ABCC5: variants seen among roughly 807,000 people sequenced by gnomAD.
ABCC5 encodes ATP binding cassette subfamily C member 5, also known as ATP-binding cassette sub-family C member 5.
A neutral mutation model predicts 160.9 loss-of-function variants in ABCC5; 61 were observed. The ratio of observed to expected loss-of-function variants is 0.38; its 90% CI spans 0.31 to 0.47. ABCC5 has a LOEUF of 0.47. Ranked by LOEUF, ABCC5 falls within the 20% of genes least tolerant of loss-of-function variation. The probability of loss-of-function intolerance (pLI) is 0.99; values close to 1 mark genes in which losing one functional copy is unlikely to be tolerated. For missense variants in ABCC5, 1,308 were observed against 1,813.3 expected (o/e 0.72, Z 5.06); for synonymous variants, 666 against 700.6 (o/e 0.95, Z 0.78).
intron 2 of ABCC5, among the ~76,000 whole-genome samples, chr3:184,012,878 T>C (rs1721876444): frequency 6.6e-6 from 1 of 152,196 alleles, no homozygotes; most frequent in Non-Finnish European, 1.5e-5. Flanking sequence ...TGTTCATTAA[T>C]AAAGCAATGG....
chr3:183,923,467 A>C (rs1055934397), intron 29 of ABCC5, among the ~76,000 whole-genome samples: 1 of 152,112 alleles, frequency 6.6e-6, no homozygotes, highest in Non-Finnish European at 1.5e-5. Context: ...TACTAAAAAT[A>C]CAAAAATTAG....
chr3:183,936,740 C>A (rs1377197520), intron 26 of ABCC5, among the ~76,000 whole-genome samples: 1 of 152,166 alleles, frequency 6.6e-6, no homozygotes, highest in African/African-American at 2.4e-5. Context: ...AATCTCCTGA[C>A]CTCGTGATCC....
intron 2 of ABCC5, chr3:184,010,708 A>T (rs1721655292): frequency 6.6e-6 from 1 of 152,176 alleles, no homozygotes; most frequent in Admixed American, 6.6e-5. Flanking sequence ...GTTTTTTCCT[A>T]CACTACTTCT....
chr3:183,926,278 G>T (rs573924722), intron 28 of ABCC5, among the ~76,000 whole-genome samples: 8 of 151,234 alleles, frequency 5.3e-5, no homozygotes, highest in Non-Finnish European at 1.0e-4. Context: ...TAGGCTGAGC[G>T]CAGTGGCTCA....
intron 28 of ABCC5, among the ~76,000 whole-genome samples, chr3:183,926,906 A>G (rs1031257453): frequency 2.4e-4 from 37 of 151,302 alleles, no homozygotes; most frequent in Middle Eastern, 3.4e-3. Context: ...TTAGCTGGGC[A>G]TGGTGGCGCA....
Position 183,987,478 on chromosome 3 carries a change from T to A in ABCC5, c.591+292A>T. ...AAGACACATCTGCCTGCACCGACTG[T>A]CAGTTCATGTTAACACACAACCGAG... On this transcript the variant is annotated intron_variant, in intron 5 of 29. Coordinates refer to ENST00000334444, the MANE Select transcript of ABCC5 (RefSeq NM_005688.4). This position sits in a 1 kb window ranked among gnomAD's most constrained non-coding sequence, Gnocchi z 4.2. 1 of 598,936 alleles carries A rather than the reference T, an allele frequency of 1.7e-6. No individual in the cohort carries two copies. Among genetic ancestry groups the A allele is most frequent in the Non-Finnish European group, 3.0e-6 (1 of 336,136 alleles). 37.1% of individuals were successfully genotyped at this position (598,936 alleles called of 1,614,324 possible). A position where few individuals can be genotyped will look rare whatever the true frequency, so the allele number is the denominator to read the frequency against.
At chr3:183,995,969 G>C (rs532197512) in intron 2 of ABCC5, among the ~76,000 whole-genome samples, 1 of 151,934 alleles carries the variant, frequency 6.6e-6, no homozygotes, top group African/African-American at 2.4e-5. Flanking sequence ...CACCACGCCC[G>C]GCTAATTTTT....
At chr3:183,972,885 ATCTGCCTGCC>A (rs1409128898) in intron 10 of ABCC5, among the ~76,000 whole-genome samples, 5 of 152,118 alleles carry the variant, frequency 3.3e-5, no homozygotes, top group Admixed American at 1.3e-4. Flanking sequence ...GGCTCAAGTG[ATCTGCCTGCC>A]TCAGCCTCCC....
rs1559995693 is a variant in ABCC5 at position 183,949,094 on chromosome 3, T to C, written c.3227+659A>G. Among the ~76,000 whole-genome samples the C allele has an allele frequency of 1.3e-5, 2 of 152,234 alleles. No individual in the cohort carries two copies. Among genetic ancestry groups the C allele is most frequent in the Non-Finnish European group, 2.9e-5 (2 of 68,048 alleles). The stretch of plus-strand genomic sequence containing the variant: ...CATCTGTACTCTGCTGTTTCACTAA[T>C]ATATGCTGGAGATCATTCCCTATCA... On this transcript the variant is annotated intron_variant, in intron 22 of 29. Coordinates refer to ENST00000334444, the MANE Select transcript of ABCC5 (RefSeq NM_005688.4). The surrounding 1 kb of genome is among the most constrained non-coding windows in gnomAD (Gnocchi z 4.2).
intron 17 of ABCC5, among the ~76,000 whole-genome samples, chr3:183,955,747 A>G (rs1715831411): frequency 7.0e-6 from 1 of 142,878 alleles, no homozygotes; most frequent in Non-Finnish European, 1.5e-5. Flanking sequence ...TGTGTAAATC[A>G]CATCAGTTAC....
chr3:183,988,844 G>C lies in ABCC5; in HGVS notation c.288-117C>G. On this transcript the variant is annotated intron_variant, in intron 3 of 29. Coordinates refer to ENST00000334444, the MANE Select transcript of ABCC5 (RefSeq NM_005688.4). This position sits in a 1 kb window ranked among gnomAD's most constrained non-coding sequence, Gnocchi z 4.4. ...TAGCTAAAGACCAGTCTCCCCAGAT[G>C]ATCTAATCTTAGCCTGAATGTTCTA... The C allele has an allele frequency of 8.5e-7, 1 of 1,172,576 alleles. No individual in the cohort carries two copies. The highest frequency in any genetic ancestry group is 1.2e-6 in the Non-Finnish European group (1 of 850,954). The allele number at this position is 1,172,576 out of a possible 1,614,324, so 72.6% of individuals were successfully genotyped here. A position where few individuals can be genotyped will look rare whatever the true frequency, so the allele number is the denominator to read the frequency against.
intron 11 of ABCC5, among the ~76,000 whole-genome samples, chr3:183,969,456 G>C (rs1219653618): frequency 2.6e-5 from 4 of 152,126 alleles, no homozygotes; most frequent in Non-Finnish European, 4.4e-5. Flanking sequence ...ACTTTGAAAG[G>C]CCAGGCAGGC....
intron 2 of ABCC5, among the ~76,000 whole-genome samples, chr3:184,000,022 C>T (rs77059190): frequency 0.08 from 12,156 of 151,722 alleles, 1,650 homozygotes; most frequent in African/African-American, 0.28. Flanking sequence ...AACTTTTTTG[C>T]GTAAGGAAAT....
Position 183,987,650 on chromosome 3 carries a change from G to T in ABCC5, c.591+120C>A. ...TCGACCCCTTTCAACAGACCTGAAG[G>T]CATCTCTAAGACTGCTACCTAGCCC... On this transcript the variant is annotated intron_variant, in intron 5 of 29. Coordinates refer to ENST00000334444, the MANE Select transcript of ABCC5 (RefSeq NM_005688.4). This position sits in a 1 kb window ranked among gnomAD's most constrained non-coding sequence, Gnocchi z 4.2. 2 of 1,349,360 alleles carry T rather than the reference G, an allele frequency of 1.5e-6. No individual in the cohort carries two copies. The highest frequency in any genetic ancestry group is 2.1e-6 in the Non-Finnish European group (2 of 964,378). 83.6% of individuals were successfully genotyped at this position (1,349,360 alleles called of 1,614,324 possible).
At chr3:183,926,900 C>T (rs1272715359) in intron 28 of ABCC5, among the ~76,000 whole-genome samples, 3 of 151,980 alleles carry the variant, frequency 2.0e-5, no homozygotes, top group Non-Finnish European at 4.4e-5. Context: ...CAAAAATTAG[C>T]TGGGCATGGT....
At position 183,987,674 on chromosome 3, in the gene ABCC5, C is replaced by T. The variant is rs1449807875; in HGVS notation, c.591+96G>A. 3 of 1,563,452 alleles carry T rather than the reference C, an allele frequency of 1.9e-6. No homozygotes were observed. The Admixed American group carries it at 5.4e-5, about 28-fold the overall frequency. The stretch of plus-strand genomic sequence containing the variant: ...GGCATCTCTAAGACTGCTACCTAGC[C>T]CAAAGCTGAGCACAACCTCTGCAAC... On this transcript the variant is annotated intron_variant, in intron 5 of 29. Transcript: ENST00000334444. This position sits in a 1 kb window ranked among gnomAD's most constrained non-coding sequence, Gnocchi z 4.2.
chr3:183,982,797 T>C lies in ABCC5; in HGVS notation c.802A>G (p.Ile268Val), dbSNP rs775177826. Residue 268 changes from isoleucine to valine, a missense_variant, in exon 6 of 30, where the codon ATT becomes GTT. This residue lies in a region of ABCC5 where 1,142 missense variants were observed against 1,527.1 expected (regional missense o/e 0.75). Coordinates refer to ENST00000334444, the MANE Select transcript of ABCC5 (RefSeq NM_005688.4). The surrounding 1 kb of genome is among the most constrained non-coding windows in gnomAD (Gnocchi z 5.2). ...ACCTCACCCAGGGATTTCTCTTTAA[T>C]GTTCTTTAACTTAAGGATCTTCTTA... ...AFKKILKLKN[I>V]KEKSLGELIN... 22 of 1,614,126 alleles carry C rather than the reference T, an allele frequency of 1.4e-5. No homozygotes were observed. Among genetic ancestry groups the C allele is most frequent in the African/African-American group, 1.3e-5 (1 of 74,934 alleles).
chr3:183,920,241 GGAGA>G lies in ABCC5; in HGVS notation c.*1055_*1058del, dbSNP rs4148596. 0.032 allele frequency: 4,912 copies of G among 152,194 alleles called. 196 individuals are homozygous for G. The highest frequency in any genetic ancestry group is 0.17 in the East Asian group (859 of 5,156). 9.4% of individuals were successfully genotyped at this position (152,194 alleles called of 1,614,324 possible). A position where few individuals can be genotyped will look rare whatever the true frequency, so the allele number is the denominator to read the frequency against. ...CTGCTTAAAGTTGCAGACTTTGAGGGGAGAGAGAGAGAGAGACTGTGCGACGACT... is the reference window on the plus strand; with the variant it reads ...CTGCTTAAAGTTGCAGACTTTGAGGGGAGAGAGAGAGACTGTGCGACGACT... On this transcript the variant is annotated 3_prime_UTR_variant, in exon 30 of 30. Transcript: ENST00000334444. The surrounding 1 kb of genome is among the most constrained non-coding windows in gnomAD (Gnocchi z 4.1).
intron 2 of ABCC5, chr3:184,000,542 A>G (rs750609011): frequency 3.3e-5 from 5 of 152,224 alleles, no homozygotes; most frequent in Non-Finnish European, 5.9e-5. Context: ...CAATGTCACC[A>G]ATCGAGAAAT....
Sources: allele counts gnomAD v4.1 joint callset (sites outside exome capture counted in the v4.1 genomes callset), GRCh38; gene constraint gnomAD v4.1.1; regional missense constraint gnomAD v4.1.1; non-coding constraint Gnocchi (gnomAD v3.1); transcripts MANE v1.5; gene names NCBI Gene and HGNC (gene_info 2026-07-23, HGNC 2026-07-21).